Variants in AGBL4 observed in about 807,000 individuals in gnomAD.
AGBL4 encodes the protein cytosolic carboxypeptidase 6.
AGBL4 carries 58 observed loss-of-function variants against 66.4 expected under a neutral mutation model. That is an observed-to-expected ratio of 0.87 (90% CI 0.71 to 1.09). The LOEUF (loss-of-function observed/expected upper bound fraction) is 1.09, where lower values mean the gene tolerates loss of function less well. AGBL4 is among the 50% of genes least tolerant of loss of function. The pLI is 0.00. For missense variants in AGBL4, 579 were observed against 631.0 expected (o/e 0.92, Z 0.88); for synonymous variants, 234 against 222.9 (o/e 1.05, Z -0.44).
intron 1 of AGBL4, among the ~76,000 whole-genome samples, chr1:49,893,584 C>T (rs1315883793): frequency 6.6e-6 from 1 of 152,134 alleles, no homozygotes; most frequent in Admixed American, 6.5e-5. Context: ...AATAGCCTGA[C>T]AGTACTCCCT....
At chr1:48,681,995 A>T (rs572094890) in intron 6 of AGBL4, among the ~76,000 whole-genome samples, 1 of 152,354 alleles carries the variant, frequency 6.6e-6, no homozygotes, top group East Asian at 1.9e-4. Flanking sequence ...TGAGGTCATA[A>T]TTAAGTTAAA....
chr1:49,177,212 C>T (rs568557967), intron 4 of AGBL4, among the ~76,000 whole-genome samples: 1 of 152,084 alleles, frequency 6.6e-6, no homozygotes, highest in African/African-American at 2.4e-5. Context: ...TAATCTAGTA[C>T]AGAAACATAA....
At chr1:49,487,993 C>T (rs1452107150) in intron 3 of AGBL4, among the ~76,000 whole-genome samples, 1 of 151,834 alleles carries the variant, frequency 6.6e-6, no homozygotes, top group African/African-American at 2.4e-5. Context: ...AATGAAGAAA[C>T]CTAAATTGAA....
intron 3 of AGBL4, among the ~76,000 whole-genome samples, chr1:49,542,855 C>T (rs1479013890): frequency 2.3e-5 from 3 of 133,198 alleles, no homozygotes; most frequent in Admixed American, 8.4e-5. Context: ...GCTCAGATTG[C>T]ACCACTTCAC....
intron 2 of AGBL4, among the ~76,000 whole-genome samples, chr1:49,806,474 C>A (rs1279678050): frequency 6.6e-6 from 1 of 151,806 alleles, no homozygotes; most frequent in Non-Finnish European, 1.5e-5. Context: ...AACTTGGCTT[C>A]TAATGTAAAA....
intron 3 of AGBL4, among the ~76,000 whole-genome samples, chr1:49,432,714 C>T (rs1188135289): frequency 1.3e-5 from 2 of 152,094 alleles, no homozygotes; most frequent in Non-Finnish European, 2.9e-5. Context: ...CAAGTTGTTA[C>T]ATTGTGAAAC....
intron 12 of AGBL4, among the ~76,000 whole-genome samples, chr1:48,535,556 T>A (rs1643955996): frequency 6.6e-6 from 1 of 152,192 alleles, no homozygotes; most frequent in South Asian, 2.1e-4. Flanking sequence ...GAACTTTCTG[T>A]CTTATCTTTA....
chr1:49,002,392 C>T (rs373895767), intron 5 of AGBL4, among the ~76,000 whole-genome samples: 1 of 152,172 alleles, frequency 6.6e-6, no homozygotes, highest in South Asian at 2.1e-4. Flanking sequence ...GTTCACCAGG[C>T]TGTGATGATG....
At chr1:49,725,690 T>G (rs1558194707) in intron 2 of AGBL4, among the ~76,000 whole-genome samples, 1 of 147,474 alleles carries the variant, frequency 6.8e-6, no homozygotes. Flanking sequence ...GGGTTTTTTT[T>G]TTTTTTTTTT....
intron 2 of AGBL4, among the ~76,000 whole-genome samples, chr1:49,718,312 A>G (rs1281429231): frequency 1.3e-5 from 2 of 152,062 alleles, no homozygotes; most frequent in Admixed American, 6.6e-5. Flanking sequence ...CTCTCACCAT[A>G]TGATGTGCTG....
intron 3 of AGBL4, among the ~76,000 whole-genome samples, chr1:49,479,424 T>A (rs1489923893): frequency 6.6e-6 from 1 of 151,840 alleles, no homozygotes; most frequent in Non-Finnish European, 1.5e-5. Flanking sequence ...CTAATACTGA[T>A]TAGTTATTTT....
intron 9 of AGBL4, 107 bp downstream of exon 9, chr1:48,634,386 C>T (rs1645635659): frequency 1.2e-6 from 1 of 860,678 alleles, no homozygotes; most frequent in African/African-American, 1.7e-5. Flanking sequence ...CTGGTTTTAG[C>T]TATGTATTCC....
chr1:49,359,088 A>T (rs1278689905), intron 3 of AGBL4, among the ~76,000 whole-genome samples: 1 of 152,160 alleles, frequency 6.6e-6, no homozygotes, highest in African/African-American at 2.4e-5. Context: ...GGCTCAGACA[A>T]ATTGGACCCT....
intron 6 of AGBL4, among the ~76,000 whole-genome samples, chr1:48,810,760 C>A (rs532627159): frequency 2.6e-5 from 4 of 152,342 alleles, no homozygotes; most frequent in Admixed American, 1.3e-4. Context: ...CCAGCCTATA[C>A]TGACTAGCAC....
intron 3 of AGBL4, among the ~76,000 whole-genome samples, chr1:49,339,904 G>T (rs1258679895): frequency 1.3e-5 from 2 of 152,100 alleles, no homozygotes; most frequent in Non-Finnish European, 2.9e-5. Context: ...CTGTAAAGTG[G>T]TGCCATGACT....
intron 4 of AGBL4, among the ~76,000 whole-genome samples, chr1:49,123,676 A>C (rs1645708233): frequency 6.6e-6 from 1 of 151,720 alleles, no homozygotes; most frequent in South Asian, 2.1e-4. Flanking sequence ...AATAAACTCT[A>C]CTCCTTATAA....
chr1:49,892,776 T>C (rs1318809926), intron 1 of AGBL4, among the ~76,000 whole-genome samples: 1 of 152,290 alleles, frequency 6.6e-6, no homozygotes. Context: ...GAAGACTAGA[T>C]GTCACCTATT....
intron 5 of AGBL4, among the ~76,000 whole-genome samples, chr1:49,017,938 A>G (rs1662941913): frequency 6.6e-6 from 1 of 152,078 alleles, no homozygotes; most frequent in Admixed American, 6.5e-5. Flanking sequence ...CTAGAGGAAG[A>G]TCTCCCTGTT....
At chr1:48,842,043 A>G (rs1646817887) in intron 6 of AGBL4, among the ~76,000 whole-genome samples, 1 of 152,130 alleles carries the variant, frequency 6.6e-6, no homozygotes, top group Non-Finnish European at 1.5e-5. Context: ...AATGAGTTTG[A>G]CTCTGGAAAA....
Sources: allele counts gnomAD v4.1 joint callset (sites outside exome capture counted in the v4.1 genomes callset), GRCh38; gene constraint gnomAD v4.1.1; transcripts MANE v1.5; gene names NCBI Gene and HGNC (gene_info 2026-07-23, HGNC 2026-07-21).